Variants in PTPRJ observed in about 807,000 individuals in gnomAD.
PTPRJ encodes the protein protein tyrosine phosphatase receptor type J.
Under a neutral mutation model 141.3 loss-of-function variants are expected in PTPRJ, and 129 were observed. That is an observed-to-expected ratio of 0.91 (90% CI 0.79 to 1.06). The LOEUF (loss-of-function observed/expected upper bound fraction) is 1.06, where lower values mean the gene tolerates loss of function less well. Among genes scored for constraint, PTPRJ ranks in the 50% least tolerant of loss-of-function variants. PTPRJ has a pLI of 0.00. For synonymous variants in PTPRJ, 610 were observed against 640.5 expected, an observed-to-expected ratio of 0.95 and a Z score of 0.72; for missense variants, 1,601 against 1,679.7, an observed-to-expected ratio of 0.95 and a Z score of 0.82.
At chr11:48,004,216 G>A (rs949625799) in intron 1 of PTPRJ, among the ~76,000 whole-genome samples, 4 of 152,212 alleles carry the variant, frequency 2.6e-5, no homozygotes, top group Non-Finnish European at 5.9e-5. Context: ...GGCAGTGTGT[G>A]CTAGCACCTT....
chr11:48,020,482 G>C (rs1190573455), intron 1 of PTPRJ, among the ~76,000 whole-genome samples: 2 of 152,194 alleles, frequency 1.3e-5, no homozygotes, highest in African/African-American at 2.4e-5. Flanking sequence ...CCTTCTAGAA[G>C]TTGAGTTCCC....
chr11:48,112,220 A>G (rs945220203), intron 2 of PTPRJ, among the ~76,000 whole-genome samples: 4 of 152,232 alleles, frequency 2.6e-5, no homozygotes, highest in African/African-American at 9.6e-5. Context: ...TCTGTTTGAC[A>G]GAAGTTAGTC....
intron 1 of PTPRJ, among the ~76,000 whole-genome samples, chr11:48,053,237 A>AT (rs1284098580): frequency 3.4e-5 from 3 of 89,402 alleles, no homozygotes; most frequent in African/African-American, 1.5e-4. Context: ...TATTATATAT[A>AT]ATATATTTAT....
chr11:48,030,290 AT>A (rs2134223684), intron 1 of PTPRJ, among the ~76,000 whole-genome samples: 1 of 152,350 alleles, frequency 6.6e-6, no homozygotes, highest in Non-Finnish European at 1.5e-5. Flanking sequence ...GGCTTAAGTG[AT>A]GTAAAGTTTT....
chr11:48,153,915 C>G, intron 19 of PTPRJ, 29 bp downstream of exon 19: 1 of 1,491,398 alleles, frequency 6.7e-7, no homozygotes, highest in South Asian at 1.1e-5. Context: ...AGCATCTTCT[C>G]TGTGTTCCAT....
At chr11:48,097,440 G>A (rs1280007031) in intron 1 of PTPRJ, among the ~76,000 whole-genome samples, 3 of 152,112 alleles carry the variant, frequency 2.0e-5, no homozygotes, top group Non-Finnish European at 4.4e-5. Flanking sequence ...TTTTAAGATA[G>A]TGTGTATGTT....
chr11:48,114,407 C>T (rs537966457), intron 3 of PTPRJ, among the ~76,000 whole-genome samples: 1 of 138,454 alleles, frequency 7.2e-6, no homozygotes, highest in South Asian at 2.3e-4. Context: ...CACTGCACTC[C>T]CGACAGAGTG....
chr11:48,029,725 G>C (rs1853929613), intron 1 of PTPRJ, among the ~76,000 whole-genome samples: 1 of 149,012 alleles, frequency 6.7e-6, no homozygotes, highest in Non-Finnish European at 1.5e-5. Context: ...TTAGATTTAT[G>C]GGTTTTTTTT....
At chr11:47,991,292 C>T (rs1565246544) in intron 1 of PTPRJ, among the ~76,000 whole-genome samples, 1 of 152,010 alleles carries the variant, frequency 6.6e-6, no homozygotes, top group African/African-American at 2.4e-5. Context: ...AAAAACAAAA[C>T]AAAACGTAGG....
chr11:48,021,595 A>G (rs952228485), intron 1 of PTPRJ, among the ~76,000 whole-genome samples: 1 of 151,926 alleles, frequency 6.6e-6, no homozygotes, highest in African/African-American at 2.4e-5. Flanking sequence ...GCCATTGTGT[A>G]GATTAACCAG....
At chr11:48,147,121 C>T (rs141696977) in intron 15 of PTPRJ, among the ~76,000 whole-genome samples, 158 bp downstream of exon 15, 33 of 152,304 alleles carry the variant, frequency 2.2e-4, no homozygotes, top group Admixed American at 5.9e-4. Context: ...ATTTCCTCTG[C>T]GCCCCCAGCT....
Position 48,167,587 on chromosome 11 carries a change from A to C in PTPRJ, c.*225A>C. 9.9e-6 allele frequency: 4 copies of C among 403,130 alleles called. No individual in the cohort carries two copies. The highest frequency in any genetic ancestry group is 1.7e-5 in the Non-Finnish European group (4 of 233,230). 25.0% of individuals were successfully genotyped at this position (403,130 alleles called of 1,614,324 possible). Reference sequence around the variant, plus strand: ...AAATCATCTGCATTCCTGATGACCAATGGGATGAGGTCACTTTTTTTTTTT... The same window carrying C: ...AAATCATCTGCATTCCTGATGACCACTGGGATGAGGTCACTTTTTTTTTTT... On this transcript the variant is annotated 3_prime_UTR_variant, in exon 25 of 25. Coordinates refer to ENST00000418331, the MANE Select transcript of PTPRJ (RefSeq NM_002843.4).
intron 1 of PTPRJ, among the ~76,000 whole-genome samples, chr11:48,003,874 C>T (rs941361467): frequency 3.3e-5 from 5 of 152,146 alleles, no homozygotes; most frequent in Non-Finnish European, 5.9e-5. Context: ...ACTTTTTGTC[C>T]GTGTGTGAGA....
chr11:48,143,494 T>A (rs1857280465), intron 12 of PTPRJ, among the ~76,000 whole-genome samples: 1 of 151,894 alleles, frequency 6.6e-6, no homozygotes, highest in Admixed American at 6.6e-5. Flanking sequence ...ACCAACTCTG[T>A]CTCTCTCTCT....
intron 1 of PTPRJ, among the ~76,000 whole-genome samples, chr11:48,048,664 C>T (rs1370563632): frequency 2.0e-5 from 3 of 152,052 alleles, no homozygotes; most frequent in African/African-American, 4.8e-5. Context: ...TGTGATGGCG[C>T]GTGCCTGTAT....
intron 1 of PTPRJ, among the ~76,000 whole-genome samples, chr11:47,983,105 T>C (rs1265686725): frequency 1.3e-5 from 2 of 152,180 alleles, no homozygotes; most frequent in East Asian, 1.9e-4. Flanking sequence ...GGGAGCAGGC[T>C]GAGGTCACCC....
chr11:48,089,921 G>T (rs567218843), intron 1 of PTPRJ, among the ~76,000 whole-genome samples: 1 of 152,096 alleles, frequency 6.6e-6, no homozygotes, highest in African/African-American at 2.4e-5. Flanking sequence ...GTAAAATGGG[G>T]GTAATTATCA....
At chr11:48,024,369 T>C (rs1853750073) in intron 1 of PTPRJ, among the ~76,000 whole-genome samples, 1 of 152,148 alleles carries the variant, frequency 6.6e-6, no homozygotes, top group Non-Finnish European at 1.5e-5. Flanking sequence ...GGCTAATTTT[T>C]GTATTTTTAC....
chr11:48,077,889 A>G (rs1000915721), intron 1 of PTPRJ, among the ~76,000 whole-genome samples: 2 of 152,124 alleles, frequency 1.3e-5, no homozygotes, highest in African/African-American at 4.8e-5. Flanking sequence ...GGAATGATCT[A>G]TTTACACTTA....
Sources: gnomAD v4.1 joint callset for allele counts (sites outside exome capture counted in the v4.1 genomes callset) on GRCh38, gnomAD v4.1.1 for gene constraint, MANE v1.5 for transcripts, NCBI Gene and HGNC (gene_info 2026-07-23, HGNC 2026-07-21) for gene names.